Variants in AGBL4 observed in about 807,000 individuals in gnomAD.
AGBL4 encodes cytosolic carboxypeptidase 6.
In AGBL4, 58 loss-of-function variants were observed where a neutral mutation model predicts 66.4. The ratio of observed to expected loss-of-function variants is 0.87; its 90% CI spans 0.71 to 1.09. AGBL4 has a LOEUF of 1.09. AGBL4 is among the 50% of genes least tolerant of loss of function. The pLI, the probability that AGBL4 is intolerant of heterozygous loss-of-function variation, is 0.00. For synonymous variants in AGBL4, 234 were observed against 222.9 expected, an observed-to-expected ratio of 1.05 and a Z score of -0.44; for missense variants, 579 against 631.0, an observed-to-expected ratio of 0.92 and a Z score of 0.88.
intron 2 of AGBL4, among the ~76,000 whole-genome samples, chr1:49,714,024 C>A (rs575644844): frequency 6.6e-6 from 1 of 152,070 alleles, no homozygotes; most frequent in African/African-American, 2.4e-5. Flanking sequence ...TTCTAATTGC[C>A]AAATTAACTT....
chr1:49,985,235 G>A (rs552038743), intron 1 of AGBL4, among the ~76,000 whole-genome samples: 6 of 151,888 alleles, frequency 4.0e-5, no homozygotes, highest in African/African-American at 7.2e-5. Context: ...ATGTATCCCC[G>A]AATCTAAAAT....
intron 5 of AGBL4, among the ~76,000 whole-genome samples, chr1:49,030,639 T>C (rs1307262931): frequency 6.6e-6 from 1 of 151,872 alleles, no homozygotes; most frequent in Non-Finnish European, 1.5e-5. Flanking sequence ...CTTATGAGGA[T>C]CTAACTAATG....
rs557219863 is a variant in AGBL4 at position 49,145,211 on chromosome 1, T to G, written c.378-99411A>C. Among the ~76,000 whole-genome samples, 51 of 152,264 alleles carry G rather than the reference T, an allele frequency of 3.3e-4. 1 individual carries two copies. Among genetic ancestry groups the G allele is most frequent in the African/African-American group, 1.2e-3 (51 of 41,540 alleles). ...CTTCTTATGGCTTTTTTTCCTTTTA[T>G]TTGTCTAATCTCACATCATTCTCTA... is the stretch of plus-strand genomic sequence containing the variant. On this transcript the variant is annotated intron_variant, in intron 4 of 13. Transcript: ENST00000371839.
In AGBL4 at chr1:49,950,017, C is replaced by T. The variant is rs1557611618; in HGVS notation, c.34+73746G>A. ...ATATGTGTATATATATATACACACA[C>T]ATATGTGTGTGTGTGTATATATATA... On this transcript the variant is annotated intron_variant, in intron 1 of 13. Transcript: ENST00000371839. Among the ~76,000 whole-genome samples the T allele has an allele frequency of 8.5e-4, 33 of 38,846 alleles. 1 individual carries two copies. The highest frequency in any genetic ancestry group is 4.1e-3 in the South Asian group (2 of 482). 25.5% of individuals were successfully genotyped at this position (38,846 alleles called of 152,430 possible).
intron 1 of AGBL4, among the ~76,000 whole-genome samples, chr1:49,874,893 T>C (rs935365009): frequency 6.6e-6 from 1 of 151,676 alleles, no homozygotes; most frequent in Non-Finnish European, 1.5e-5. Flanking sequence ...GTTACATATG[T>C]ATACATGTGA....
At chr1:49,261,345 A>C (rs1228556856) in intron 3 of AGBL4, among the ~76,000 whole-genome samples, 1 of 152,194 alleles carries the variant, frequency 6.6e-6, no homozygotes, top group African/African-American at 2.4e-5. Context: ...AGGGTATTCA[A>C]TTAGGAAAAG....
At chr1:49,493,302 T>C (rs1335184931) in intron 3 of AGBL4, among the ~76,000 whole-genome samples, 1 of 152,008 alleles carries the variant, frequency 6.6e-6, no homozygotes, top group Non-Finnish European at 1.5e-5. Context: ...GAGCCAGGGT[T>C]CTGTCAGAAA....
At chr1:49,941,030 T>A (rs1047393681) in intron 1 of AGBL4, among the ~76,000 whole-genome samples, 1 of 152,044 alleles carries the variant, frequency 6.6e-6, no homozygotes, top group Admixed American at 6.6e-5. Flanking sequence ...AAAAGAGTAC[T>A]ATGAACAATT....
intron 1 of AGBL4, among the ~76,000 whole-genome samples, chr1:49,964,756 TA>T (rs981428976): frequency 1.9e-4 from 29 of 152,236 alleles, no homozygotes; most frequent in African/African-American, 7.0e-4. Flanking sequence ...CAAAATTGAT[TA>T]AAGTCCAGGA....
At chr1:49,414,001 T>A (rs556218724) in intron 3 of AGBL4, among the ~76,000 whole-genome samples, 3 of 152,238 alleles carry the variant, frequency 2.0e-5, no homozygotes, top group African/African-American at 7.2e-5. Context: ...TCAGAATCTC[T>A]TTATTAGGCA....
chr1:49,837,362 G>C (rs1645878816), intron 2 of AGBL4, among the ~76,000 whole-genome samples: 4 of 152,184 alleles, frequency 2.6e-5, no homozygotes, highest in Non-Finnish European at 5.9e-5. Context: ...ACTGTGAGGG[G>C]ACCAGAACCC....
At chr1:49,924,925 G>T (rs1223858836) in intron 1 of AGBL4, among the ~76,000 whole-genome samples, 1 of 152,084 alleles carries the variant, frequency 6.6e-6, no homozygotes, top group Non-Finnish European at 1.5e-5. Flanking sequence ...AAGTACTCTG[G>T]GGTCCTAAAT....
At chr1:49,721,165 G>A (rs1399240505) in intron 2 of AGBL4, among the ~76,000 whole-genome samples, 3 of 152,050 alleles carry the variant, frequency 2.0e-5, no homozygotes, top group African/African-American at 7.2e-5. Flanking sequence ...GCCAATGGCA[G>A]GGAGGATTGA....
At chr1:48,798,176 A>T (rs1050941001) in intron 6 of AGBL4, among the ~76,000 whole-genome samples, 1 of 152,156 alleles carries the variant, frequency 6.6e-6, no homozygotes, top group Non-Finnish European at 1.5e-5. Flanking sequence ...CCATTCTTGC[A>T]GGAGTAAGGT....
At chr1:48,895,705 C>T (rs1651438124) in intron 5 of AGBL4, among the ~76,000 whole-genome samples, 1 of 152,180 alleles carries the variant, frequency 6.6e-6, no homozygotes. Context: ...TGGTAGGTCC[C>T]ACTGGAGACC....
chr1:49,034,427 G>A (rs975398063), intron 5 of AGBL4, among the ~76,000 whole-genome samples: 1 of 152,120 alleles, frequency 6.6e-6, no homozygotes, highest in African/African-American at 2.4e-5. Context: ...AATCTAGGGT[G>A]AAGTCTCCAG....
At chr1:49,568,357 G>T (rs1429154916) in intron 3 of AGBL4, among the ~76,000 whole-genome samples, 1 of 151,618 alleles carries the variant, frequency 6.6e-6, no homozygotes, top group East Asian at 1.9e-4. Flanking sequence ...CATGCTGAGA[G>T]CCAAATCAGG....
intron 11 of AGBL4, among the ~76,000 whole-genome samples, chr1:48,577,512 G>A (rs564584609): frequency 2.0e-5 from 3 of 152,194 alleles, no homozygotes; most frequent in Non-Finnish European, 4.4e-5. Flanking sequence ...CTTGACAACA[G>A]CAGATAAAAC....
intron 3 of AGBL4, among the ~76,000 whole-genome samples, chr1:49,487,858 G>A (rs1647101868): frequency 1.3e-5 from 2 of 151,786 alleles, no homozygotes; most frequent in Non-Finnish European, 2.9e-5. Flanking sequence ...TCTGAGTACC[G>A]ACCCCATGAT....
Sources: gnomAD v4.1 joint callset for allele counts (sites outside exome capture counted in the v4.1 genomes callset) on GRCh38, gnomAD v4.1.1 for gene constraint, MANE v1.5 for transcripts, NCBI Gene and HGNC (gene_info 2026-07-23, HGNC 2026-07-21) for gene names.